The following PCLO variants were observed in gnomAD, a reference collection of about 807,000 sequenced individuals.
PCLO encodes piccolo presynaptic cytomatrix protein.
Under a neutral mutation model 427.5 loss-of-function variants are expected in PCLO, and 82 were observed. The observed-to-expected ratio is 0.19, with a 90% CI of 0.16 to 0.23. PCLO has a LOEUF of 0.23. Among genes scored for constraint, PCLO ranks in the 10% least tolerant of loss-of-function variants. PCLO has a pLI of 1.00. For synonymous variants in PCLO, 2,357 were observed against 2,155.4 expected (o/e 1.09, Z -2.59); for missense variants, 6,239 against 6,115.9 (o/e 1.02, Z -0.67).
At chr7:82,830,186 A>C (rs1453655336) in intron 16 of PCLO, among the ~76,000 whole-genome samples, 1 of 151,924 alleles carries the variant, frequency 6.6e-6, no homozygotes, top group East Asian at 1.9e-4. Context: ...ATATAGCAAA[A>C]TCTTAAAATT....
At chr7:82,816,516 T>A (rs2115605035) in intron 20 of PCLO, among the ~76,000 whole-genome samples, 1 of 152,258 alleles carries the variant, frequency 6.6e-6, no homozygotes, top group East Asian at 1.9e-4. Context: ...GAACTAACTT[T>A]TTGAAAATAA....
chr7:82,859,232 A>C (rs933951114), intron 10 of PCLO, among the ~76,000 whole-genome samples: 3 of 152,294 alleles, frequency 2.0e-5, no homozygotes, highest in Middle Eastern at 3.4e-3. Context: ...TGCTAATTGT[A>C]GAGTTCCAGG....
At chr7:83,160,615 T>A (rs1792411573) in intron 1 of PCLO, among the ~76,000 whole-genome samples, 1 of 152,130 alleles carries the variant, frequency 6.6e-6, no homozygotes, top group Non-Finnish European at 1.5e-5. Flanking sequence ...TAACTATTGA[T>A]AAGATTTCCA....
chr7:82,819,035 C>T (rs912592203), intron 20 of PCLO, among the ~76,000 whole-genome samples: 6 of 152,112 alleles, frequency 3.9e-5, no homozygotes, highest in African/African-American at 1.4e-4. Flanking sequence ...TCTCTCTGCA[C>T]TTTAAACAAA....
intron 3 of PCLO, among the ~76,000 whole-genome samples, chr7:83,119,090 G>A (rs1424206812): frequency 6.6e-6 from 1 of 152,160 alleles, no homozygotes; most frequent in Non-Finnish European, 1.5e-5. Flanking sequence ...GGCATTTCTG[G>A]ACCCATTCTG....
At chr7:82,816,802 T>C (rs184245301) in intron 20 of PCLO, among the ~76,000 whole-genome samples, 15 of 152,220 alleles carry the variant, frequency 9.9e-5, no homozygotes, top group Admixed American at 4.6e-4. Flanking sequence ...CAGACCAAAG[T>C]ATGCAGATGG....
Position 82,824,331 on chromosome 7 carries a change from T to G in PCLO, c.14501A>C (p.His4834Pro), listed in dbSNP as rs1242031768. ...GCTCTGACTGGAATGAGACTTGCCA[T>G]GATCAATGCTTTCAGTCTGTTCTTT... ...PLKEQTESID[H>P]GKSHSSQSSQ... The change falls in exon 19 of 25, where the codon CAT becomes CCT. Residue 4834 changes from histidine (H) to proline (P), a missense_variant. This residue lies in a region of PCLO where 877 missense variants were observed against 925.5 expected (regional missense o/e 0.95). Transcript: ENST00000333891. 1.2e-6 allele frequency: 2 copies of G among 1,613,388 alleles called. No homozygotes were observed. Among genetic ancestry groups the G allele is most frequent in the Admixed American group, 1.7e-5 (1 of 59,994 alleles).
rs1441052672 is a variant in PCLO at position 82,931,476 on chromosome 7, T to C, written c.11113-14603A>G. Among the ~76,000 whole-genome samples the C allele has an allele frequency of 3.3e-5, 5 of 152,122 alleles. No individual in the cohort carries two copies. In the South Asian group the frequency reaches 1.0e-3, roughly 32 times the overall value. On this transcript the variant is annotated intron_variant, in intron 6 of 24. Transcript: ENST00000333891. ...TTTAGTTGTGTCCTCTTGCTCATGG[T>C]TTCTCACAAGCCTGCAAACAAGTTG...
chr7:82,992,180 G>A (rs1034172109), intron 3 of PCLO, among the ~76,000 whole-genome samples: 1 of 151,876 alleles, frequency 6.6e-6, no homozygotes, highest in African/African-American at 2.4e-5. Context: ...GATTACCTTG[G>A]TCCCACACCA....
At chr7:82,892,869 A>G (rs1422786924) in intron 9 of PCLO, among the ~76,000 whole-genome samples, 1 of 151,942 alleles carries the variant, frequency 6.6e-6, no homozygotes, top group East Asian at 1.9e-4. Context: ...CAAAACCACA[A>G]TGAGATACCA....
At chr7:82,825,807 T>G (rs901815448) in intron 18 of PCLO, among the ~76,000 whole-genome samples, 1 of 148,128 alleles carries the variant, frequency 6.8e-6, no homozygotes, top group South Asian at 2.1e-4. Context: ...AATATATGTA[T>G]ATACAATGTA....
intron 10 of PCLO, among the ~76,000 whole-genome samples, chr7:82,858,926 A>T (rs1400067754): frequency 6.6e-6 from 1 of 152,206 alleles, no homozygotes; most frequent in Non-Finnish European, 1.5e-5. Context: ...CCCTACCAAA[A>T]TTTCAATGTA....
chr7:83,147,033 C>T (rs1050474882), intron 2 of PCLO, among the ~76,000 whole-genome samples: 1 of 148,182 alleles, frequency 6.7e-6, no homozygotes, highest in Non-Finnish European at 1.5e-5. Context: ...CCTGAAACAT[C>T]TAGTCATTTA....
At chr7:82,837,452 A>C (rs1792258492) in intron 15 of PCLO, among the ~76,000 whole-genome samples, 4 of 152,030 alleles carry the variant, frequency 2.6e-5, no homozygotes, top group Admixed American at 6.6e-5. Flanking sequence ...CCATTTGTTG[A>C]TCTTATGTTT....
chr7:82,908,804 A>G (rs1231344147), intron 8 of PCLO, 73 bp downstream of exon 8: 4 of 1,301,726 alleles, frequency 3.1e-6, no homozygotes, highest in African/African-American at 1.5e-5. Context: ...TTTTAGGACA[A>G]TTAAGACCAT....
chr7:83,087,476 A>G (rs925314608), intron 3 of PCLO, among the ~76,000 whole-genome samples: 4 of 152,188 alleles, frequency 2.6e-5, no homozygotes, highest in Admixed American at 6.5e-5. Flanking sequence ...GTGTGAAAAA[A>G]AAAAGTATGT....
chr7:82,846,721 A>G (rs1367305815), intron 11 of PCLO, 87 bp from the exon 12 acceptor site: 10 of 784,740 alleles, frequency 1.3e-5, no homozygotes, highest in East Asian at 2.6e-5. Flanking sequence ...AATTTTTTTC[A>G]TAGGTAAATG....
intron 20 of PCLO, among the ~76,000 whole-genome samples, chr7:82,816,410 C>G (rs1372327484): frequency 1.3e-5 from 2 of 152,048 alleles, no homozygotes; most frequent in Non-Finnish European, 2.9e-5. Context: ...GACTGCCCCC[C>G]ACTGTGTCTC....
chr7:83,073,935 T>C (rs1379158885), intron 3 of PCLO, among the ~76,000 whole-genome samples: 2 of 151,708 alleles, frequency 1.3e-5, no homozygotes, highest in East Asian at 1.9e-4. Flanking sequence ...CATTTAGATA[T>C]TTGTTTCTAA....
Sources: allele counts gnomAD v4.1 joint callset (sites outside exome capture counted in the v4.1 genomes callset), GRCh38; gene constraint gnomAD v4.1.1; regional missense constraint gnomAD v4.1.1; transcripts MANE v1.5; gene names NCBI Gene and HGNC (gene_info 2026-07-23, HGNC 2026-07-21).